DTX3L: variants seen among roughly 807,000 people sequenced by gnomAD.
DTX3L encodes the protein E3 ubiquitin-protein ligase DTX3L.
Under a neutral mutation model 60.9 loss-of-function variants are expected in DTX3L, and 34 were observed. That is an observed-to-expected ratio of 0.56 (90% confidence interval 0.42 to 0.74). The LOEUF is 0.74. Ranked by LOEUF, DTX3L falls within the 30% of genes least tolerant of loss-of-function variation. DTX3L has a pLI of 0.00. For synonymous variants in DTX3L, 290 were observed against 316.6 expected (o/e 0.92, Z 0.89); for missense variants, 810 against 874.0 (o/e 0.93, Z 0.92).
intron 4 of DTX3L, 70 bp from the exon 5 acceptor site, chr3:122,571,607 TA>T: frequency 8.4e-7 from 1 of 1,189,584 alleles, no homozygotes; most frequent in Non-Finnish European, 1.2e-6. Flanking sequence ...ATTAAATCCT[TA>T]AATGCTGGAT....
chr3:122,569,090 T>A lies in DTX3L; in HGVS notation c.1001T>A (p.Ile334Lys). The change falls in exon 3 of 5, where the codon ATA becomes AAA. Residue 334 changes from isoleucine to lysine, a missense_variant. Ile to Lys is a moderately radical substitution (Grantham distance 102, BLOSUM62 -3). Transcript: ENST00000296161. Reference sequence around the variant, plus strand: ...AATCACCAGTTTACAAAGCTCCTTATAAAGGAGAAAGGAGGCGAATTAACT... The same window carrying A: ...AATCACCAGTTTACAAAGCTCCTTAAAAAGGAGAAAGGAGGCGAATTAACT... ...ELNHQFTKLL[I>K]KEKGGELTLL... 1 of 1,614,118 alleles carries A rather than the reference T, an allele frequency of 6.2e-7. No homozygotes were observed. The highest frequency in any genetic ancestry group is 8.5e-7 in the Non-Finnish European group (1 of 1,180,014).
rs910651969 is a variant in DTX3L, at chr3:122,572,135, G to A, written c.*388G>A. On this transcript the variant is annotated 3_prime_UTR_variant, in exon 5 of 5. Coordinates refer to ENST00000296161, the MANE Select transcript of DTX3L (RefSeq NM_138287.3). Reference sequence around the variant, plus strand: ...TCACTGTGTTAGCCAGGATGGTCTCGATCTCCTGACCTCGTGATCCGCCCG... The same window carrying A: ...TCACTGTGTTAGCCAGGATGGTCTCAATCTCCTGACCTCGTGATCCGCCCG... 1.8e-4 allele frequency: 30 copies of A among 162,978 alleles called. No individual in the cohort carries two copies. The highest frequency in any genetic ancestry group is 3.6e-4 in the Admixed American group (6 of 16,856). The allele number at this position is 162,978 out of a possible 1,614,324, so 10.1% of individuals were successfully genotyped here.
Position 122,568,882 on chromosome 3 carries a change from AT to A in DTX3L, c.795del (p.Ile265MetfsTer13). On this transcript the variant is annotated frameshift_variant, in exon 3 of 5. Coordinates refer to ENST00000296161, the MANE Select transcript of DTX3L (RefSeq NM_138287.3). LOFTEE classifies it high-confidence loss of function. ...AATAGAGAAAAGATTTGGTGTAAAC[AT>A]TGAAATCCAGGAGAGTTCTCCAAAT... ...NSIEKRFGVN[I>X]EIQESSPNMV... The A allele has an allele frequency of 6.2e-7, 1 of 1,614,028 alleles. No homozygotes were observed. The highest frequency in any genetic ancestry group is 8.5e-7 in the Non-Finnish European group (1 of 1,180,022).
intron 1 of DTX3L, among the ~76,000 whole-genome samples, 176 bp downstream of exon 1, chr3:122,564,789 G>A (rs1328828609): frequency 6.6e-6 from 1 of 152,206 alleles, no homozygotes; most frequent in African/African-American, 2.4e-5. Context: ...GTGAACACTC[G>A]GTGGAGGATG....
Sources: gnomAD v4.1 joint callset for allele counts (sites outside exome capture counted in the v4.1 genomes callset) on GRCh38, gnomAD v4.1.1 for gene constraint, MANE v1.5 for transcripts, NCBI Gene and HGNC (gene_info 2026-07-23, HGNC 2026-07-21) for gene names.